NXPE1: variants seen among roughly 807,000 people sequenced by gnomAD.
The protein encoded by NXPE1 is NXPE family member 1.
In NXPE1, 31 loss-of-function variants were observed where a neutral mutation model predicts 33.3. That is an observed-to-expected ratio of 0.93 (90% CI 0.70 to 1.26). NXPE1 has a LOEUF of 1.26. Ranked by LOEUF, NXPE1 falls within the 50% of genes most tolerant of loss-of-function variation. The pLI is 0.00. For synonymous variants in NXPE1, 229 were observed against 231.4 expected (o/e 0.99, Z 0.09); for missense variants, 661 against 655.6 (o/e 1.01, Z -0.09).
At chr11:114,544,594 C>A (rs964614941) in intron 5 of NXPE1, among the ~76,000 whole-genome samples, 7 of 151,980 alleles carry the variant, frequency 4.6e-5, no homozygotes, top group Middle Eastern at 3.2e-3. Context: ...GATGACAGAC[C>A]TAAATAAATA....
At chr11:114,520,005 G>A (rs1192157866), downstream of NXPE1, among the ~76,000 whole-genome samples, 3 of 127,282 alleles carry the variant, frequency 2.4e-5, no homozygotes, top group Admixed American at 7.8e-5. Flanking sequence ...TAGTAAAGAC[G>A]GGGTTTCACT....
At chr11:114,542,388 C>T (rs1948128614) in intron 5 of NXPE1, among the ~76,000 whole-genome samples, 2 of 152,112 alleles carry the variant, frequency 1.3e-5, no homozygotes, top group Non-Finnish European at 1.5e-5. Context: ...TACTAAACAG[C>T]ATGAACATTA....
At chr11:114,543,224 C>T (rs186980568) in intron 5 of NXPE1, among the ~76,000 whole-genome samples, 9 of 152,048 alleles carry the variant, frequency 5.9e-5, no homozygotes, top group Non-Finnish European at 8.8e-5. Flanking sequence ...GGCATGGTGG[C>T]GGGCAGCTGT....
At chr11:114,522,786 A>G (rs2134896156) in intron 8 of NXPE1, 93 bp downstream of exon 8, 1 of 921,302 alleles carries the variant, frequency 1.1e-6, no homozygotes, top group South Asian at 1.6e-5. Context: ...ATGAAGTAAA[A>G]AACAAAATAG....
chr11:114,537,974 A>C (rs569446346), intron 5 of NXPE1, among the ~76,000 whole-genome samples: 1 of 152,366 alleles, frequency 6.6e-6, no homozygotes, highest in East Asian at 1.9e-4. Flanking sequence ...TTGCCAAGTC[A>C]ATCCTAAGCC....
chr11:114,526,476 G>A (rs1565297637), intron 7 of NXPE1: 1 of 65,806 alleles, frequency 1.5e-5, no homozygotes. Context: ...TTGTTAAATT[G>A]TGAATTTGCA....
At chr11:114,527,463 T>C (rs913810923) in intron 7 of NXPE1, among the ~76,000 whole-genome samples, 1 of 152,158 alleles carries the variant, frequency 6.6e-6, no homozygotes, top group Non-Finnish European at 1.5e-5. Context: ...AAATTGGTAA[T>C]TGCATCAACT....
chr11:114,540,681 T>TG (rs891931712), intron 5 of NXPE1, among the ~76,000 whole-genome samples: 4 of 151,978 alleles, frequency 2.6e-5, no homozygotes, highest in Admixed American at 6.6e-5. Context: ...AACAAGTACC[T>TG]GAAGGCTAAA....
At chr11:114,551,002 G>T in intron 5 of NXPE1, 101 bp downstream of exon 5, 1 of 645,642 alleles carries the variant, frequency 1.5e-6, no homozygotes, top group Non-Finnish European at 2.8e-6. Flanking sequence ...TAGTTGAGGT[G>T]GGGGAGGAGG....
intron 5 of NXPE1, among the ~76,000 whole-genome samples, chr11:114,533,828 A>C (rs1435082917): frequency 6.6e-6 from 1 of 152,246 alleles, no homozygotes; most frequent in Non-Finnish European, 1.5e-5. Flanking sequence ...TCAAGGAGGC[A>C]TGCCTGCCTC....
intron 7 of NXPE1, among the ~76,000 whole-genome samples, chr11:114,524,569 T>A (rs1471997854): frequency 6.6e-6 from 1 of 152,180 alleles, no homozygotes; most frequent in Non-Finnish European, 1.5e-5. Context: ...TACAGTGTGA[T>A]ATTGATGGGT....
intron 1 of NXPE1, chr11:114,554,426 C>T: frequency 2.1e-6 from 2 of 970,798 alleles, no homozygotes; most frequent in Non-Finnish European, 2.4e-6. Flanking sequence ...CTTAAACATT[C>T]TTTGTGACAT....
intron 6 of NXPE1, among the ~76,000 whole-genome samples, chr11:114,528,611 G>A (rs1947455576): frequency 6.6e-6 from 1 of 152,190 alleles, no homozygotes; most frequent in Non-Finnish European, 1.5e-5. Flanking sequence ...TGAATCCGAT[G>A]TGTTAATAAA....
intron 5 of NXPE1, among the ~76,000 whole-genome samples, chr11:114,536,563 G>A (rs1446734490): frequency 1.3e-5 from 2 of 151,702 alleles, no homozygotes; most frequent in Non-Finnish European, 2.9e-5. Context: ...AAAGAGAGAA[G>A]AATCAAATAG....
At chr11:114,534,703 A>G (rs1947730460) in intron 5 of NXPE1, among the ~76,000 whole-genome samples, 1 of 152,222 alleles carries the variant, frequency 6.6e-6, no homozygotes, top group African/African-American at 2.4e-5. Flanking sequence ...AGACGAAATG[A>G]ATGAAATGAA....
exon 8 of NXPE1, chr11:114,522,905 A>G: frequency 6.2e-7 from 1 of 1,613,108 alleles, no homozygotes; most frequent in Non-Finnish European, 8.5e-7. Context: ...GAAGTAGTAG[A>G]TCCACTGACG....
intron 5 of NXPE1, among the ~76,000 whole-genome samples, chr11:114,536,450 A>G (rs1346123912): frequency 6.6e-6 from 1 of 152,138 alleles, no homozygotes; most frequent in Non-Finnish European, 1.5e-5. Flanking sequence ...GACTGAAGGA[A>G]ATAGAGACAA....
chr11:114,549,096 G>C (rs1412816768), intron 5 of NXPE1, among the ~76,000 whole-genome samples: 2 of 151,812 alleles, frequency 1.3e-5, no homozygotes, highest in East Asian at 3.9e-4. Context: ...TGACCTGAGT[G>C]ACATTAAAAA....
At chr11:114,537,918 T>G (rs1947903889) in intron 5 of NXPE1, among the ~76,000 whole-genome samples, 1 of 152,080 alleles carries the variant, frequency 6.6e-6, no homozygotes, top group African/African-American at 2.4e-5. Context: ...CTTCACAGAA[T>G]TGGAAAAAAC....
Sources: allele counts gnomAD v4.1 joint callset (sites outside exome capture counted in the v4.1 genomes callset), GRCh38; gene constraint gnomAD v4.1.1; transcripts MANE v1.5; gene names NCBI Gene and HGNC (gene_info 2026-07-23, HGNC 2026-07-21).